CLVS1: variants seen among roughly 807,000 people sequenced by gnomAD.
The protein encoded by CLVS1 is clavesin 1.
A neutral mutation model predicts 33.1 loss-of-function variants in CLVS1; 10 were observed. The ratio of observed to expected loss-of-function variants is 0.30; its 90% CI spans 0.19 to 0.51. The LOEUF (loss-of-function observed/expected upper bound fraction) is 0.51. Ranked by LOEUF, CLVS1 falls within the 20% of genes least tolerant of loss-of-function variation. The probability of loss-of-function intolerance (pLI) is 0.97; values close to 1 mark genes in which losing one functional copy is unlikely to be tolerated. For synonymous variants in CLVS1, 163 were observed against 166.1 expected (o/e 0.98, Z 0.14); for missense variants, 343 against 433.4 (o/e 0.79, Z 1.85).
At chr8:61,393,414 TTTC>T (rs1206070130) in intron 3 of CLVS1, among the ~76,000 whole-genome samples, 1 of 152,172 alleles carries the variant, frequency 6.6e-6, no homozygotes, top group Non-Finnish European at 1.5e-5. Flanking sequence ...GATTAAGAGA[TTTC>T]TTCTTGGTTT....
At chr8:61,152,805 G>A in intron 2 of CLVS1, among the ~76,000 whole-genome samples, 1 of 152,192 alleles carries the variant, frequency 6.6e-6, no homozygotes, top group East Asian at 1.9e-4. Context: ...TATCACGTTG[G>A]GGGTTAGGGG....
At chr8:61,443,740 A>G (rs1484588007) in intron 3 of CLVS1, among the ~76,000 whole-genome samples, 1 of 152,134 alleles carries the variant, frequency 6.6e-6, no homozygotes, top group African/African-American at 2.4e-5. Context: ...TTTTCCATAA[A>G]AATTTTTAAA....
At chr8:61,083,254 G>C (rs560957762) in intron 1 of CLVS1, among the ~76,000 whole-genome samples, 1 of 152,182 alleles carries the variant, frequency 6.6e-6, no homozygotes, top group Non-Finnish European at 1.5e-5. Flanking sequence ...TGCCATGGTG[G>C]TCCTGAATAA....
chr8:61,427,527 T>C (rs1432524247), intron 3 of CLVS1, among the ~76,000 whole-genome samples: 1 of 152,156 alleles, frequency 6.6e-6, no homozygotes, highest in African/African-American at 2.4e-5. Context: ...TATTGGAATA[T>C]GAATGTTTGT....
intron 3 of CLVS1, among the ~76,000 whole-genome samples, chr8:61,427,362 C>G (rs1483610852): frequency 6.6e-6 from 1 of 152,110 alleles, no homozygotes; most frequent in Non-Finnish European, 1.5e-5. Flanking sequence ...TCCTTTATTC[C>G]CTCGTTCAGT....
chr8:61,296,413 G>A (rs1189832338), intron 1 of CLVS1, among the ~76,000 whole-genome samples: 1 of 152,188 alleles, frequency 6.6e-6, no homozygotes, highest in Non-Finnish European at 1.5e-5. Flanking sequence ...CAGAAACATT[G>A]TTGAGTTCCC....
chr8:61,117,855 T>A (rs1197251514), intron 1 of CLVS1, among the ~76,000 whole-genome samples: 3 of 147,136 alleles, frequency 2.0e-5, no homozygotes, highest in Admixed American at 7.1e-5. Flanking sequence ...TGTCTCTGCC[T>A]GGCTTTGGTA....
intron 1 of CLVS1, among the ~76,000 whole-genome samples, chr8:61,067,132 C>T (rs1804697793): frequency 6.6e-6 from 1 of 152,092 alleles, no homozygotes; most frequent in African/African-American, 2.4e-5. Context: ...TCTCCTACAC[C>T]CTGACCTGTA....
chr8:61,100,442 C>G (rs1190631353), intron 1 of CLVS1, among the ~76,000 whole-genome samples: 1 of 152,176 alleles, frequency 6.6e-6, no homozygotes, highest in Admixed American at 6.5e-5. Flanking sequence ...TTTGAAGCTT[C>G]TTTGTCTTCC....
Position 61,501,173 on chromosome 8 carries a change from A to T in CLVS1, c.*1631A>T, listed in dbSNP as rs1033961505. 1.2e-4 allele frequency: 19 copies of T among 152,196 alleles called. No homozygotes were observed. Among genetic ancestry groups the T allele is most frequent in the African/African-American group, 3.6e-4 (15 of 41,468 alleles). 9.4% of individuals were successfully genotyped at this position (152,196 alleles called of 1,614,324 possible). On this transcript the variant is annotated 3_prime_UTR_variant, in exon 6 of 6. Coordinates refer to ENST00000325897, the MANE Select transcript of CLVS1 (RefSeq NM_173519.3). Reference sequence around the variant, plus strand: ...AATAATTCTACCAATGCAGTGATGGAAACACTTTTCTTATGTACCAAGACA... The same window carrying T: ...AATAATTCTACCAATGCAGTGATGGTAACACTTTTCTTATGTACCAAGACA...
At chr8:61,451,177 C>G (rs1030065487) in intron 3 of CLVS1, among the ~76,000 whole-genome samples, 4 of 151,916 alleles carry the variant, frequency 2.6e-5, no homozygotes, top group Non-Finnish European at 5.9e-5. Flanking sequence ...AAAAAAAAAG[C>G]AGGGGTTATT....
rs1246030697 is a variant in CLVS1 at position 61,132,825 on chromosome 8, G to A, written c.-152+965G>A. Among the ~76,000 whole-genome samples the A allele has an allele frequency of 3.3e-5, 5 of 152,184 alleles. No homozygotes were observed. In the East Asian group the frequency reaches 9.6e-4, roughly 29 times the overall value. ...TCCCGTAAGTAAAGCAACACTACAGGGGTGGCTTAGGATGCACGCAGCCTG... is the reference window on the plus strand; with the variant it reads ...TCCCGTAAGTAAAGCAACACTACAGAGGTGGCTTAGGATGCACGCAGCCTG... On this transcript the variant is annotated intron_variant, in intron 2 of 2. Transcript: ENST00000522621.
At chr8:61,152,572 T>C (rs1303276477) in intron 2 of CLVS1, among the ~76,000 whole-genome samples, 1 of 152,104 alleles carries the variant, frequency 6.6e-6, no homozygotes, top group Non-Finnish European at 1.5e-5. Context: ...TGTCTTCACA[T>C]GGTGGTAGGC....
rs554701359 is a variant in CLVS1, at chr8:61,434,306, A to G, written c.631-19835A>G. Among the ~76,000 whole-genome samples the G allele has an allele frequency of 4.6e-5, 7 of 152,204 alleles. No individual in the cohort carries two copies. In the South Asian group the frequency reaches 1.0e-3, roughly 23 times the overall value. ...GCCACATCTAAAGTTACATGTAAAGAAAAAGCATTTAAGAGATAGTAAAGG... is the reference window on the plus strand; with the variant it reads ...GCCACATCTAAAGTTACATGTAAAGGAAAAGCATTTAAGAGATAGTAAAGG... On this transcript the variant is annotated intron_variant, in intron 3 of 5. Transcript: ENST00000325897.
chr8:60,976,476 G>T, the CLVS1 span, among the ~76,000 whole-genome samples: 1 of 151,922 alleles, frequency 6.6e-6, no homozygotes, highest in African/African-American at 2.4e-5. Flanking sequence ...TCCTGCCTCA[G>T]CCTCCTGAGT....
chr8:61,276,818 G>T (rs978312941), intron 2 of CLVS1, among the ~76,000 whole-genome samples: 21 of 152,176 alleles, frequency 1.4e-4, no homozygotes. Context: ...TGACCTAATG[G>T]TTGAACTGGG....
chr8:61,343,571 A>G (rs978054565), intron 2 of CLVS1, among the ~76,000 whole-genome samples: 2 of 152,240 alleles, frequency 1.3e-5, no homozygotes, highest in Non-Finnish European at 2.9e-5. Context: ...AATCTGAGTA[A>G]TGAAGAGAAG....
At chr8:61,279,277 G>A (rs2129593103) in intron 2 of CLVS1, among the ~76,000 whole-genome samples, 1 of 152,258 alleles carries the variant, frequency 6.6e-6, no homozygotes, top group Non-Finnish European at 1.5e-5. Context: ...GCAGTGAGGC[G>A]AAGGCCATTC....
intron 2 of CLVS1, among the ~76,000 whole-genome samples, chr8:61,326,791 T>C (rs1230631959): frequency 6.6e-6 from 1 of 152,170 alleles, no homozygotes; most frequent in East Asian, 1.9e-4. Flanking sequence ...AAAAGAATAA[T>C]TGAGGTCAAT....
Sources: allele counts gnomAD v4.1 joint callset (sites outside exome capture counted in the v4.1 genomes callset), GRCh38; gene constraint gnomAD v4.1.1; transcripts MANE v1.5; gene names NCBI Gene and HGNC (gene_info 2026-07-23, HGNC 2026-07-21).